Variants in MEX3C observed in about 807,000 individuals in gnomAD.
MEX3C encodes the protein RNA-binding E3 ubiquitin-protein ligase MEX3C.
A neutral mutation model predicts 35.5 loss-of-function variants in MEX3C; 15 were observed. The ratio of observed to expected loss-of-function variants is 0.42; its 90% confidence interval spans 0.28 to 0.65. The LOEUF is 0.65. Ranked by LOEUF, MEX3C falls within the 30% of genes least tolerant of loss-of-function variation. The pLI is 0.20. For missense variants in MEX3C, 711 were observed against 842.8 expected, an observed-to-expected ratio of 0.84 and a Z score of 1.94; for synonymous variants, 390 against 352.8, an observed-to-expected ratio of 1.11 and a Z score of -1.18.
rs529959641 is a variant in MEX3C, at chr18:51,176,280, TG to T, written c.*70del. 1,284 of 1,356,124 alleles carry T rather than the reference TG, an allele frequency of 9.5e-4. 13 individuals carry two copies. The African/African-American group carries it at 0.018, about 19-fold the overall frequency. 84.0% of individuals were successfully genotyped at this position (1,356,124 alleles called of 1,614,324 possible). A position where few individuals can be genotyped will look rare whatever the true frequency, so the allele number is the denominator to read the frequency against. On this transcript the variant is annotated 3_prime_UTR_variant, in exon 2 of 2. Transcript: ENST00000406189. ...CATAAGAAATCATTAGGAAGTTTAC[TG>T]GGGGGTACCATTATACCCATGCCTT...
chr18:51,190,430 C>T (rs975003900), intron 1 of MEX3C, among the ~76,000 whole-genome samples: 1 of 152,168 alleles, frequency 6.6e-6, no homozygotes, highest in African/African-American at 2.4e-5. Context: ...CCCCACTTCC[C>T]CTTCAATCAT....
chr18:51,179,969 A>T (rs904208382), intron 1 of MEX3C, among the ~76,000 whole-genome samples: 1 of 152,220 alleles, frequency 6.6e-6, no homozygotes, highest in Non-Finnish European at 1.5e-5. Flanking sequence ...CAAGAGACAG[A>T]CAATATTCTG....
At chr18:51,179,096 C>T (rs773934874) in intron 1 of MEX3C, among the ~76,000 whole-genome samples, 8 of 151,718 alleles carry the variant, frequency 5.3e-5, no homozygotes, top group Non-Finnish European at 8.8e-5. Context: ...CTCCACCTCC[C>T]GGGTTCCAGT....
chr18:51,195,630 T>C (rs1568235950), intron 1 of MEX3C: 1 of 152,124 alleles, frequency 6.6e-6, no homozygotes. Context: ...GCAGGTAACA[T>C]CTGCCCCTTT....
intron 1 of MEX3C, among the ~76,000 whole-genome samples, chr18:51,185,930 C>G (rs983688881): frequency 3.3e-5 from 5 of 151,952 alleles, no homozygotes; most frequent in Non-Finnish European, 7.4e-5. Context: ...ATAAAAATAT[C>G]AAATAGGGAG....
intron 1 of MEX3C, chr18:51,193,245 C>G (rs953822965): frequency 6.6e-6 from 1 of 152,106 alleles, no homozygotes; most frequent in African/African-American, 2.4e-5. Context: ...GACGACTTTT[C>G]TAGACTATGT....
intron 1 of MEX3C, among the ~76,000 whole-genome samples, chr18:51,180,841 T>C (rs949769142): frequency 5.3e-4 from 81 of 152,294 alleles, no homozygotes; most frequent in African/African-American, 1.9e-3. Context: ...TTCACTTCCC[T>C]AAATCTTTTG....
chr18:51,178,021 T>C (rs1281779139), intron 1 of MEX3C, among the ~76,000 whole-genome samples: 1 of 152,132 alleles, frequency 6.6e-6, no homozygotes, highest in East Asian at 1.9e-4. Flanking sequence ...CTAAATTATC[T>C]AAATTACTGC....
At chr18:51,180,280 T>C (rs1191940633) in intron 1 of MEX3C, among the ~76,000 whole-genome samples, 2 of 152,270 alleles carry the variant, frequency 1.3e-5, no homozygotes, top group Middle Eastern at 3.4e-3. Flanking sequence ...GAACACTATC[T>C]AGCCTATGGT....
At chr18:51,191,264 T>A (rs1912643480) in intron 1 of MEX3C, among the ~76,000 whole-genome samples, 1 of 152,168 alleles carries the variant, frequency 6.6e-6, no homozygotes, top group African/African-American at 2.4e-5. Context: ...ATGATTTGCT[T>A]TAATGAAATA....
chr18:51,182,684 T>C (rs984070712), intron 1 of MEX3C, among the ~76,000 whole-genome samples: 1 of 152,068 alleles, frequency 6.6e-6, no homozygotes, highest in Non-Finnish European at 1.5e-5. Flanking sequence ...CCAGGGTAAA[T>C]AAAGAGAGCT....
intron 1 of MEX3C, among the ~76,000 whole-genome samples, chr18:51,188,740 AG>A: frequency 6.6e-6 from 1 of 152,370 alleles, no homozygotes; most frequent in South Asian, 2.1e-4. Context: ...TAAAATAAAA[AG>A]GAAGTATTCC....
intron 1 of MEX3C, among the ~76,000 whole-genome samples, chr18:51,187,376 A>G (rs2144554457): frequency 6.6e-6 from 1 of 152,358 alleles, no homozygotes; most frequent in African/African-American, 2.4e-5. Flanking sequence ...GGGAAACAAT[A>G]TAAGCAGCAA....
intron 1 of MEX3C, among the ~76,000 whole-genome samples, chr18:51,189,470 G>A (rs374452694): frequency 6.6e-6 from 1 of 152,140 alleles, no homozygotes; most frequent in East Asian, 1.9e-4. Flanking sequence ...AATATTTCTA[G>A]TGTATTTTTA....
chr18:51,194,145 T>C (rs1264041937), intron 1 of MEX3C: 1 of 152,218 alleles, frequency 6.6e-6, no homozygotes, highest in Admixed American at 6.5e-5. Flanking sequence ...ACATTAGAAG[T>C]CACTTCGTTC....
chr18:51,182,656 G>A (rs1363425961), intron 1 of MEX3C, among the ~76,000 whole-genome samples: 3 of 152,114 alleles, frequency 2.0e-5, no homozygotes, highest in African/African-American at 7.2e-5. Flanking sequence ...ATACAGCAAA[G>A]GATTCTGCCT....
At chr18:51,195,843 CTG>C (rs943480603) in intron 1 of MEX3C, 2 of 152,226 alleles carry the variant, frequency 1.3e-5, no homozygotes, top group Non-Finnish European at 2.9e-5. Flanking sequence ...TAACTGAAAA[CTG>C]TATAAACCGA....
chr18:51,190,969 A>G (rs559240721), intron 1 of MEX3C, among the ~76,000 whole-genome samples: 43 of 152,190 alleles, frequency 2.8e-4, no homozygotes, highest in Admixed American at 4.6e-4. Flanking sequence ...GATCACCTGA[A>G]TATCAATGGA....
In MEX3C at chr18:51,197,358, G is replaced by C. The variant is rs979630248; in HGVS notation, c.-38C>G. On this transcript the variant is annotated 5_prime_UTR_variant, in exon 1 of 2. Transcript: ENST00000406189. ...CTGTCAATGGCGGCGGCGGCGGCCG[G>C]GTCAGGCGCGGCAGGCGGCGAGCCC... 6 of 245,464 alleles carry C rather than the reference G, an allele frequency of 2.4e-5. No homozygotes were observed. Among genetic ancestry groups the C allele is most frequent in the African/African-American group, 1.4e-4 (6 of 42,570 alleles). The allele number at this position is 245,464 out of a possible 1,614,324, so 15.2% of individuals were successfully genotyped here. A position where few individuals can be genotyped will look rare whatever the true frequency, so the allele number is the denominator to read the frequency against.
Sources: allele counts gnomAD v4.1 joint callset (sites outside exome capture counted in the v4.1 genomes callset), GRCh38; gene constraint gnomAD v4.1.1; transcripts MANE v1.5; gene names NCBI Gene and HGNC (gene_info 2026-07-23, HGNC 2026-07-21).